The following BST1 variants were observed in gnomAD, a reference collection of about 807,000 sequenced individuals.
BST1 encodes the protein ADP-ribosyl cyclase/cyclic ADP-ribose hydrolase 2.
BST1 carries 49 observed loss-of-function variants against 40.6 expected under a neutral mutation model. The observed-to-expected ratio is 1.21, with a 90% CI of 0.96 to 1.53. The LOEUF (loss-of-function observed/expected upper bound fraction) is 1.53, where lower values mean the gene tolerates loss of function less well. BST1 is among the 40% of genes most tolerant of loss of function. BST1 has a pLI of 0.00. For missense variants in BST1, 423 were observed against 395.9 expected (o/e 1.07, Z -0.58); for synonymous variants, 157 against 159.3 (o/e 0.99, Z 0.11).
At chr4:15,739,554 CGTGTGTGTGTGTGTGTGTGTGT>C (rs58171340), downstream of BST1, among the ~76,000 whole-genome samples, 2 of 143,942 alleles carry the variant, frequency 1.4e-5, no homozygotes, top group African/African-American at 5.2e-5. Flanking sequence ...GAAGCCAAAC[CGTGTGTGTGTGTGTGTGTGTGT>C]GTGTGTGTGT....
the BST1 span, among the ~76,000 whole-genome samples, chr4:15,765,931 G>A: frequency 1.3e-5 from 2 of 151,934 alleles, no homozygotes; most frequent in Admixed American, 6.6e-5. Context: ...TCTGGCAACC[G>A]AATTTGTTTA....
chr4:15,708,106 C>G (rs970571130), intron 3 of BST1, among the ~76,000 whole-genome samples: 1 of 152,052 alleles, frequency 6.6e-6, no homozygotes, highest in Admixed American at 6.6e-5. Context: ...ACAACTCTGC[C>G]TTACTATCCT....
chr4:15,742,731 G>T (rs1560293572), downstream of BST1, among the ~76,000 whole-genome samples: 1 of 152,378 alleles, frequency 6.6e-6, no homozygotes, highest in East Asian at 1.9e-4. Flanking sequence ...GTTAGGGATG[G>T]CAGGAAGCCA....
At chr4:15,705,296 GCT>G (rs1436528344) in intron 1 of BST1, among the ~76,000 whole-genome samples, 1 of 151,928 alleles carries the variant, frequency 6.6e-6, no homozygotes, top group Admixed American at 6.6e-5. Context: ...GTATTCCTTA[GCT>G]CTGAGAAATC....
At chr4:15,749,512 C>A in the BST1 span, among the ~76,000 whole-genome samples, 1 of 152,094 alleles carries the variant, frequency 6.6e-6, no homozygotes, top group African/African-American at 2.4e-5. Flanking sequence ...GAAAGAGTTA[C>A]TATTCTATCA....
intron 1 of BST1, among the ~76,000 whole-genome samples, chr4:15,703,563 T>C (rs1357014863): frequency 1.4e-5 from 2 of 139,870 alleles, no homozygotes; most frequent in Non-Finnish European, 3.1e-5. Flanking sequence ...TAGAGATGAG[T>C]GTGTGTGTGT....
the BST1 span, among the ~76,000 whole-genome samples, chr4:15,752,771 G>A: frequency 6.6e-4 from 101 of 152,250 alleles, 1 homozygote; most frequent in African/African-American, 2.3e-3. Flanking sequence ...CAGGATCAAG[G>A]TGAGGGAAGA....
At chr4:15,708,895 T>A (rs924161077) in intron 3 of BST1, among the ~76,000 whole-genome samples, 12 of 151,796 alleles carry the variant, frequency 7.9e-5, no homozygotes, top group Non-Finnish European at 1.0e-4. Flanking sequence ...AAAAAAAGAG[T>A]TAACCTAATA....
At chr4:15,772,007 G>GCC in the BST1 span, among the ~76,000 whole-genome samples, 1 of 148,754 alleles carries the variant, frequency 6.7e-6, no homozygotes, top group African/African-American at 2.5e-5. Flanking sequence ...AACAATGAAG[G>GCC]TCTCTCTCTC....
chr4:15,760,710 C>T, the BST1 span, among the ~76,000 whole-genome samples: 2 of 150,622 alleles, frequency 1.3e-5, no homozygotes, highest in African/African-American at 4.9e-5. Flanking sequence ...ATTTATTTTT[C>T]GAGATAAGGT....
the BST1 span, among the ~76,000 whole-genome samples, chr4:15,756,028 A>G: frequency 6.6e-6 from 1 of 152,240 alleles, no homozygotes; most frequent in South Asian, 2.1e-4. Context: ...TCTCTGCAAC[A>G]TAAACATAAA....
chr4:15,741,383 A>C (rs2148901644), downstream of BST1, among the ~76,000 whole-genome samples: 1 of 152,300 alleles, frequency 6.6e-6, no homozygotes, highest in East Asian at 1.9e-4. Flanking sequence ...TAAGGGAGGA[A>C]GGGTAGGAAG....
the BST1 span, among the ~76,000 whole-genome samples, chr4:15,762,104 G>T: frequency 6.9e-6 from 1 of 144,652 alleles, no homozygotes; most frequent in Non-Finnish European, 1.5e-5. Context: ...CAGAAGAATC[G>T]CTTGAACCTG....
intron 4 of BST1, among the ~76,000 whole-genome samples, chr4:15,714,026 AT>A (rs1271887794): frequency 7.3e-5 from 11 of 151,418 alleles, no homozygotes; most frequent in African/African-American, 2.4e-4. Context: ...TTTTTTTAAT[AT>A]TTTTTTCTTT....
Position 15,707,598 on chromosome 4 carries a change from G to A in BST1, c.403G>A (p.Gly135Ser). The A allele has an allele frequency of 5.0e-6, 8 of 1,613,388 alleles. No homozygotes were observed. Among genetic ancestry groups the A allele is most frequent in the Non-Finnish European group, 6.8e-6 (8 of 1,179,606 alleles). The change falls in exon 3 of 9, where the codon GGC (glycine) becomes AGC (serine). Residue 135 changes from glycine (G) to serine (S), a missense_variant. Physicochemically the swap from Gly to Ser is moderately conservative, Grantham distance 56. Transcript: ENST00000265016. Reference sequence around the variant, plus strand: ...TATGCCCCTGAGCGATGTTCTGTATGGCAGGGTTGCAGATTTCTTGAGCTG... The same window carrying A: ...TATGCCCCTGAGCGATGTTCTGTATAGCAGGGTTGCAGATTTCTTGAGCTG... Reference protein sequence around the residue: ...RFMPLSDVLYGRVADFLSWCR... With the variant: ...RFMPLSDVLYSRVADFLSWCR...
At chr4:15,749,469 A>T in the BST1 span, among the ~76,000 whole-genome samples, 2 of 152,142 alleles carry the variant, frequency 1.3e-5, no homozygotes, top group Non-Finnish European at 2.9e-5. Context: ...CTACCTCAAA[A>T]TTCATTATTG....
At chr4:15,742,141 G>C (rs554142368), downstream of BST1, among the ~76,000 whole-genome samples, 6 of 152,324 alleles carry the variant, frequency 3.9e-5, no homozygotes, top group African/African-American at 1.4e-4. Context: ...TATTATTTAA[G>C]CCAGATTAAG....
At position 15,732,212 on chromosome 4, in the gene BST1, A is replaced by G. The variant is rs1426692639; in HGVS notation, c.*367A>G. The G allele has an allele frequency of 1.3e-6, 1 of 768,936 alleles. No individual in the cohort carries two copies. The highest frequency in any genetic ancestry group is 1.9e-5 in the African/African-American group (1 of 52,990). The allele number at this position is 768,936 out of a possible 1,614,324, so 47.6% of individuals were successfully genotyped here. On this transcript the variant is annotated 3_prime_UTR_variant, in exon 9 of 9. Transcript: ENST00000265016. ...ATATCTCCAGCAGCACGGACACTGC[A>G]TGCTTGTTGATTGCTTAAGACATAT...
At chr4:15,729,109 C>T (rs978883282) in intron 8 of BST1, among the ~76,000 whole-genome samples, 8 of 152,102 alleles carry the variant, frequency 5.3e-5, no homozygotes, top group African/African-American at 1.9e-4. Context: ...AATTTAAAGT[C>T]ATTTAAAATA....
Sources: gnomAD v4.1 joint callset for allele counts (sites outside exome capture counted in the v4.1 genomes callset) on GRCh38, gnomAD v4.1.1 for gene constraint, MANE v1.5 for transcripts, NCBI Gene and HGNC (gene_info 2026-07-23, HGNC 2026-07-21) for gene names.